EXD1: variants seen among roughly 807,000 people sequenced by gnomAD.
The protein encoded by EXD1 is exonuclease 3'-5' domain containing 1.
A neutral mutation model predicts 49.1 loss-of-function variants in EXD1; 63 were observed. The observed-to-expected ratio is 1.28, with a 90% CI of 1.05 to 1.58. EXD1 has a LOEUF of 1.58. EXD1 is among the 40% of genes most tolerant of loss of function. The pLI is 0.00. For missense variants in EXD1, 748 were observed against 666.0 expected (o/e 1.12, Z -1.36); for synonymous variants, 234 against 239.2 (o/e 0.98, Z 0.20).
In EXD1 at chr15:41,186,988, G is replaced by A. The variant is rs181147731; in HGVS notation, c.1057-2395C>T. On this transcript the variant is annotated intron_variant, in intron 11 of 11. Coordinates refer to ENST00000458580, the MANE Select transcript of EXD1 (RefSeq NM_001286441.2). ...CAACCTCCGCCTCCCAGGTTCAAGC[G>A]ATTCTCCTGCCTCAGCCTCCCGAGT... 8.5e-3 allele frequency among the ~76,000 whole-genome samples: 1,283 copies of A among 151,196 alleles called. 16 individuals are homozygous for A. The highest frequency in any genetic ancestry group is 0.03 in the African/African-American group (1,231 of 41,212).
At chr15:41,222,462 C>T (rs758208317) in intron 2 of EXD1, among the ~76,000 whole-genome samples, 21 of 152,144 alleles carry the variant, frequency 1.4e-4, no homozygotes, top group Admixed American at 6.5e-5. Flanking sequence ...GTTCCATCAC[C>T]AATTCCTCCT....
intron 11 of EXD1, 65 bp from the exon 12 acceptor site, chr15:41,184,658 CT>C (rs11454626): frequency 0.011 from 13,821 of 1,247,782 alleles, no homozygotes; most frequent in South Asian, 0.015. Context: ...CTTAAAATCA[CT>C]TTTTTTTTTT....
intron 9 of EXD1, among the ~76,000 whole-genome samples, chr15:41,194,613 A>AT (rs1354037742): frequency 6.6e-6 from 1 of 152,202 alleles, no homozygotes; most frequent in African/African-American, 2.4e-5. Flanking sequence ...AGGCCACTAA[A>AT]TTTGTGGTGA....
rs1393243277 is a variant in EXD1, at chr15:41,226,522, C to T, written c.54G>A (p.Val18=). 2 of 1,535,960 alleles carry T rather than the reference C, an allele frequency of 1.3e-6. No individual in the cohort carries two copies. The highest frequency in any genetic ancestry group is 1.7e-6 in the Non-Finnish European group (2 of 1,146,884). ...HFLSQILWKR[V]KLTLVCGVFE... ...AGACACCACAGACCAATGTGAGTTT[C>T]ACCCTCTTCCACAAAATCTGGCTGA... is the stretch of plus-strand genomic sequence containing the variant. Residue 18 remains valine (V), a synonymous_variant, in exon 2 of 12, where the codon GTG becomes GTA. Coordinates refer to ENST00000458580, the MANE Select transcript of EXD1 (RefSeq NM_001286441.2).
At position 41,226,431 on chromosome 15, in the gene EXD1, A is replaced by C. The variant is rs1393600048; in HGVS notation, c.133+12T>G. 1.3e-5 allele frequency: 20 copies of C among 1,535,598 alleles called. No individual in the cohort carries two copies. Among genetic ancestry groups the C allele is most frequent in the Non-Finnish European group, 1.7e-5 (20 of 1,146,700 alleles). The stretch of plus-strand genomic sequence containing the variant: ...CTTAAAAGGCAGAACATTATAAGAA[A>C]TAGAACAAGACCTTTCTTCAGGACA... On this transcript the variant is annotated intron_variant, in intron 2 of 11. Coordinates refer to ENST00000458580, the MANE Select transcript of EXD1 (RefSeq NM_001286441.2).
chr15:41,188,268 G>A (rs2046447466), intron 11 of EXD1, among the ~76,000 whole-genome samples: 1 of 151,822 alleles, frequency 6.6e-6, no homozygotes, highest in Admixed American at 6.6e-5. Flanking sequence ...TGGCCAGCGG[G>A]CTATAGTTTG....
At chr15:41,197,730 A>C (rs912211261) in intron 7 of EXD1, among the ~76,000 whole-genome samples, 1 of 151,548 alleles carries the variant, frequency 6.6e-6, no homozygotes, top group Admixed American at 6.6e-5. Context: ...CCCAGGTTCA[A>C]GTGATTCTCC....
chr15:41,192,606 T>A (rs1310736092), intron 9 of EXD1, among the ~76,000 whole-genome samples: 3 of 93,714 alleles, frequency 3.2e-5, no homozygotes, highest in Admixed American at 1.1e-4. Flanking sequence ...TTTTTTTTTT[T>A]TTTTTTTTTT....
chr15:41,212,332 G>A (rs1308990855), intron 6 of EXD1, among the ~76,000 whole-genome samples: 2 of 151,890 alleles, frequency 1.3e-5, no homozygotes, highest in African/African-American at 4.8e-5. Context: ...GCGGGCACCT[G>A]TAGTCCCAGC....
chr15:41,186,091 A>G (rs1375575881), intron 11 of EXD1, among the ~76,000 whole-genome samples: 1 of 152,152 alleles, frequency 6.6e-6, no homozygotes, highest in Non-Finnish European at 1.5e-5. Flanking sequence ...TGTTCCTGAT[A>G]TTAGTGTTCT....
intron 7 of EXD1, among the ~76,000 whole-genome samples, chr15:41,199,757 T>TATATAATATATCATATATAATATATC (rs770690755): frequency 4.6e-5 from 4 of 87,240 alleles, no homozygotes; most frequent in African/African-American, 1.7e-4. Flanking sequence ...TTATATATGA[T>TATATAATATATCATATATAATATATC]ACATATATGA....
chr15:41,192,641 G>T (rs1024414391), intron 9 of EXD1, among the ~76,000 whole-genome samples: 11 of 101,784 alleles, frequency 1.1e-4, no homozygotes, highest in Non-Finnish European at 2.0e-4. Context: ...TTGAGATAGG[G>T]TCTTGCTCTA....
chr15:41,187,942 G>A (rs2046440682), intron 11 of EXD1, among the ~76,000 whole-genome samples: 1 of 146,554 alleles, frequency 6.8e-6, no homozygotes, highest in Non-Finnish European at 1.5e-5. Flanking sequence ...CTGAACCCAG[G>A]AGGTGGAGTT....
intron 3 of EXD1, among the ~76,000 whole-genome samples, chr15:41,219,128 CT>C (rs2047049403): frequency 6.6e-6 from 1 of 152,114 alleles, no homozygotes; most frequent in African/African-American, 2.4e-5. Context: ...TTCTCTTATC[CT>C]ACTTGACATG....
At chr15:41,229,350 C>T (rs1401520830) in intron 1 of EXD1, among the ~76,000 whole-genome samples, 2 of 152,094 alleles carry the variant, frequency 1.3e-5, no homozygotes, top group Non-Finnish European at 1.5e-5. Context: ...TGGTGGCACG[C>T]GCCTGTAATC....
chr15:41,210,486 G>A (rs994418521), intron 6 of EXD1, among the ~76,000 whole-genome samples: 1 of 152,124 alleles, frequency 6.6e-6, no homozygotes, highest in Non-Finnish European at 1.5e-5. Flanking sequence ...GAGCCCAAGG[G>A]TTTCAGACCA....
intron 7 of EXD1, among the ~76,000 whole-genome samples, chr15:41,207,964 T>C (rs1366499122): frequency 6.6e-6 from 1 of 150,738 alleles, no homozygotes; most frequent in Non-Finnish European, 1.5e-5. Flanking sequence ...TGAGCCAAGA[T>C]TGTGTCACTG....
In EXD1 at chr15:41,183,885, A is replaced by G. The variant is rs1443712472; in HGVS notation, c.*46T>C. On this transcript the variant is annotated 3_prime_UTR_variant, in exon 12 of 12. Coordinates refer to ENST00000458580, the MANE Select transcript of EXD1 (RefSeq NM_001286441.2). ...GGCACTGTGGAAAGCCCTGATGGCA[A>G]AGGAAATAAGCCATCTGTATGGCCT... The G allele has an allele frequency of 1.3e-6, 2 of 1,515,028 alleles. No individual in the cohort carries two copies. Among genetic ancestry groups the G allele is most frequent in the Non-Finnish European group, 1.8e-6 (2 of 1,130,700 alleles). 93.8% of individuals were successfully genotyped at this position (1,515,028 alleles called of 1,614,324 possible).
In EXD1 at chr15:41,230,637, G is replaced by T; in HGVS notation, c.-212C>A. ...GCAATGAAGGAAGAAGTCTCGGGACGCTCCACGCCACCCGGCGGCGGTTAT... is the reference window on the plus strand; with the variant it reads ...GCAATGAAGGAAGAAGTCTCGGGACTCTCCACGCCACCCGGCGGCGGTTAT... On this transcript the variant is annotated 5_prime_UTR_variant, in exon 1 of 12. Coordinates refer to ENST00000458580, the MANE Select transcript of EXD1 (RefSeq NM_001286441.2). 1 of 1,356,608 alleles carries T rather than the reference G, an allele frequency of 7.4e-7. No homozygotes were observed. The highest frequency in any genetic ancestry group is 1.0e-6 in the Non-Finnish European group (1 of 971,138). The allele number at this position is 1,356,608 out of a possible 1,614,324, so 84.0% of individuals were successfully genotyped here.
Sources: allele counts gnomAD v4.1 joint callset (sites outside exome capture counted in the v4.1 genomes callset), GRCh38; gene constraint gnomAD v4.1.1; transcripts MANE v1.5; gene names NCBI Gene and HGNC (gene_info 2026-07-23, HGNC 2026-07-21).